The following FIP1L1 variants were observed in gnomAD, a reference collection of about 807,000 sequenced individuals.
The protein encoded by FIP1L1 is factor interacting with PAPOLA and CPSF1.
Under a neutral mutation model 84.6 loss-of-function variants are expected in FIP1L1, and 21 were observed. The observed-to-expected ratio is 0.25, with a 90% CI of 0.18 to 0.36. The LOEUF (loss-of-function observed/expected upper bound fraction) is 0.36. Ranked by LOEUF, FIP1L1 falls within the 10% of genes least tolerant of loss-of-function variation. FIP1L1 has a pLI of 1.00. For synonymous variants in FIP1L1, 263 were observed against 242.3 expected (o/e 1.09, Z -0.80); for missense variants, 526 against 751.1 (o/e 0.70, Z 3.50).
At chr4:53,380,901 CATTA>C (rs1467565128) in intron 3 of FIP1L1, among the ~76,000 whole-genome samples, 1 of 151,968 alleles carries the variant, frequency 6.6e-6, no homozygotes, top group Non-Finnish European at 1.5e-5. Context: ...ATCTTTATCC[CATTA>C]ATTTTTATTT....
chr4:53,403,205 T>G (rs1157253210), intron 10 of FIP1L1, among the ~76,000 whole-genome samples: 1 of 152,062 alleles, frequency 6.6e-6, no homozygotes, highest in Non-Finnish European at 1.5e-5. Flanking sequence ...TATTTTTATA[T>G]GCTGATGGGA....
At chr4:53,385,295 A>T (rs1359167316) in intron 5 of FIP1L1, among the ~76,000 whole-genome samples, 1 of 152,160 alleles carries the variant, frequency 6.6e-6, no homozygotes, top group Non-Finnish European at 1.5e-5. Flanking sequence ...CTTGAAGCAA[A>T]TGACAATTTT....
At chr4:53,411,077 A>G (rs1451061179) in intron 10 of FIP1L1, among the ~76,000 whole-genome samples, 1 of 152,146 alleles carries the variant, frequency 6.6e-6, no homozygotes, top group African/African-American at 2.4e-5. Flanking sequence ...GACTCTTGTT[A>G]GGTATATGAG....
At chr4:53,440,533 A>G (rs1412236182) in intron 13 of FIP1L1, 7 of 1,201,280 alleles carry the variant, frequency 5.8e-6, no homozygotes, top group Admixed American at 2.1e-5. Flanking sequence ...AATACATAAC[A>G]GGTTCTGAAA....
At chr4:53,452,853 T>G in intron 15 of FIP1L1, 67 bp from the exon 16 acceptor site, 1 of 1,199,686 alleles carries the variant, frequency 8.3e-7, no homozygotes, top group Non-Finnish European at 1.2e-6. Flanking sequence ...TCATGACACA[T>G]TTTTGGTGGG....
rs7681178 is a variant in FIP1L1 at position 53,408,416 on chromosome 4, C to G, written c.816-6199C>G. ...TGGGTAACCCGACCTTTCTCTCTGG[C>G]TGCCCTGAACATTTTTTCCTTCATT... On this transcript the variant is annotated intron_variant, in intron 10 of 17. Coordinates refer to ENST00000337488, the MANE Select transcript of FIP1L1 (RefSeq NM_030917.4). 7.3e-3 allele frequency among the ~76,000 whole-genome samples: 1,107 copies of G among 152,286 alleles called. 13 individuals carry two copies. Among genetic ancestry groups the G allele is most frequent in the African/African-American group, 0.025 (1,048 of 41,540 alleles).
At chr4:53,393,778 C>T (rs1745739768) in intron 9 of FIP1L1, among the ~76,000 whole-genome samples, 1 of 118,156 alleles carries the variant, frequency 8.5e-6, no homozygotes, top group Admixed American at 8.7e-5. Flanking sequence ...CCCCCCCCCC[C>T]CCCGCCCCCG....
chr4:53,460,623 C>A lies in FIP1L1; in HGVS notation c.*1174C>A. On this transcript the variant is annotated 3_prime_UTR_variant, in exon 18 of 18. Coordinates refer to ENST00000337488, the MANE Select transcript of FIP1L1 (RefSeq NM_030917.4). ...ATCAGCTTGAATTCAGTGGGGTATA[C>A]AAATCATTTTAGTTGTTTTAGGGCT... The A allele has an allele frequency of 3.3e-6, 1 of 305,412 alleles. No homozygotes were observed. The highest frequency in any genetic ancestry group is 5.7e-6 in the Non-Finnish European group (1 of 174,114). The allele number at this position is 305,412 out of a possible 1,614,324, so 18.9% of individuals were successfully genotyped here. A position where few individuals can be genotyped will look rare whatever the true frequency, so the allele number is the denominator to read the frequency against.
chr4:53,429,882 C>A (rs1765811550), intron 13 of FIP1L1, among the ~76,000 whole-genome samples: 1 of 152,144 alleles, frequency 6.6e-6, no homozygotes, highest in African/African-American at 2.4e-5. Context: ...TACAGTAGAG[C>A]TCCAAAACTT....
intron 15 of FIP1L1, among the ~76,000 whole-genome samples, chr4:53,451,115 C>T (rs1161138683): frequency 6.6e-6 from 1 of 151,882 alleles, no homozygotes; most frequent in African/African-American, 2.4e-5. Flanking sequence ...CAGGCATGCG[C>T]CACCATGCCT....
intron 11 of FIP1L1, among the ~76,000 whole-genome samples, chr4:53,422,333 T>C (rs1762709597): frequency 6.6e-6 from 1 of 152,142 alleles, no homozygotes; most frequent in Non-Finnish European, 1.5e-5. Flanking sequence ...GTTTTTAATG[T>C]ATTGTGGGTA....
intron 15 of FIP1L1, among the ~76,000 whole-genome samples, chr4:53,444,540 A>T (rs1480512245): frequency 2.0e-5 from 3 of 151,664 alleles, no homozygotes; most frequent in African/African-American, 7.3e-5. Flanking sequence ...AGGCCTTCTG[A>T]CCCCATTTTC....
chr4:53,414,568 A>G (rs1758620157), intron 10 of FIP1L1, 47 bp from the exon 11 acceptor site: 5 of 1,329,666 alleles, frequency 3.8e-6, no homozygotes, highest in Non-Finnish European at 5.3e-6. Flanking sequence ...AAGGGGGGTC[A>G]GAGACAACAA....
chr4:53,426,425 T>G (rs1388525536), intron 12 of FIP1L1, among the ~76,000 whole-genome samples: 1 of 152,178 alleles, frequency 6.6e-6, no homozygotes, highest in Non-Finnish European at 1.5e-5. Flanking sequence ...GGGCCTGAGT[T>G]TTGATTGTGA....
At chr4:53,402,518 A>C (rs1403127989) in intron 10 of FIP1L1, among the ~76,000 whole-genome samples, 1 of 152,172 alleles carries the variant, frequency 6.6e-6, no homozygotes, top group African/African-American at 2.4e-5. Flanking sequence ...CCTTGCCAAC[A>C]TGGCAAAACC....
chr4:53,394,778 G>A (rs1201161061), intron 9 of FIP1L1, among the ~76,000 whole-genome samples: 1 of 151,330 alleles, frequency 6.6e-6, no homozygotes, highest in Admixed American at 6.6e-5. Flanking sequence ...AACATGTAAT[G>A]TTTTCATAAG....
chr4:53,411,931 TACAA>T (rs1350741390), intron 10 of FIP1L1, among the ~76,000 whole-genome samples: 2 of 152,110 alleles, frequency 1.3e-5, no homozygotes, highest in East Asian at 3.8e-4. Context: ...GTTAAATTTT[TACAA>T]GCTAAACATA....
intron 10 of FIP1L1, among the ~76,000 whole-genome samples, chr4:53,404,721 C>G (rs1201949037): frequency 5.3e-5 from 8 of 151,850 alleles, no homozygotes; most frequent in South Asian, 2.1e-4. Context: ...GTGTGAGATG[C>G]TATCTCATTG....
In FIP1L1 at chr4:53,404,177, C is replaced by T. The variant is rs532867070; in HGVS notation, c.815+4338C>T. 6.2e-3 allele frequency among the ~76,000 whole-genome samples: 656 copies of T among 105,760 alleles called. 12 individuals are homozygous for T. The highest frequency in any genetic ancestry group is 0.024 in the African/African-American group (633 of 26,514). 69.4% of individuals were successfully genotyped at this position (105,760 alleles called of 152,430 possible). ...CCTCCCCCCTCCCCCCACCCCACAA[C>T]AGTCCCCAGAGTGTGATGTTCCCCT... On this transcript the variant is annotated intron_variant, in intron 10 of 17. Transcript: ENST00000337488.
Sources: gnomAD v4.1 joint callset for allele counts (sites outside exome capture counted in the v4.1 genomes callset) on GRCh38, gnomAD v4.1.1 for gene constraint, MANE v1.5 for transcripts, NCBI Gene and HGNC (gene_info 2026-07-23, HGNC 2026-07-21) for gene names.